RPS6KC1: variants seen among roughly 807,000 people sequenced by gnomAD.
The protein encoded by RPS6KC1 is ribosomal protein S6 kinase C1, also known as inactive ribosomal protein S6 kinase delta-1.
A neutral mutation model predicts 103.8 loss-of-function variants in RPS6KC1; 54 were observed. That is an observed-to-expected ratio of 0.52 (90% CI 0.42 to 0.65). The LOEUF is 0.65. Ranked by LOEUF, RPS6KC1 falls within the 30% of genes least tolerant of loss-of-function variation. The pLI, the probability that RPS6KC1 is intolerant of heterozygous loss-of-function variation, is 0.00. For synonymous variants in RPS6KC1, 439 were observed against 438.7 expected (o/e 1.00, Z -0.01); for missense variants, 1,151 against 1,253.8 (o/e 0.92, Z 1.24).
At chr1:213,057,752 CTTTTTTTTTTTTT>C (rs869259657) in intron 1 of RPS6KC1, among the ~76,000 whole-genome samples, 15 of 73,700 alleles carry the variant, frequency 2.0e-4, no homozygotes, top group South Asian at 6.8e-4. Flanking sequence ...TCTGAAGTAT[CTTTTTTTTTTTTT>C]TTTTTTTTTT....
chr1:213,853,634 G>C, the RPS6KC1 span, among the ~76,000 whole-genome samples: 2 of 152,090 alleles, frequency 1.3e-5, no homozygotes, highest in African/African-American at 4.8e-5. Context: ...CATTTCTTTG[G>C]CTTAACACTT....
chr1:213,803,917 C>T, the RPS6KC1 span, among the ~76,000 whole-genome samples: 2 of 127,552 alleles, frequency 1.6e-5, no homozygotes, highest in Admixed American at 1.9e-4. Flanking sequence ...TGGATCTGAA[C>T]TTAAAACCCC....
chr1:213,648,742 C>T, the RPS6KC1 span, among the ~76,000 whole-genome samples: 2 of 152,134 alleles, frequency 1.3e-5, no homozygotes, highest in Non-Finnish European at 2.9e-5. Flanking sequence ...GGCTTCACTT[C>T]TCTTGCCAGC....
At chr1:213,286,351 AC>A in the RPS6KC1 span, among the ~76,000 whole-genome samples, 1 of 152,250 alleles carries the variant, frequency 6.6e-6, no homozygotes, top group African/African-American at 2.4e-5. Flanking sequence ...CAGGAAGTTT[AC>A]AAAATGCAGC....
At chr1:213,267,554 T>C (rs2094940889) in intron 14 of RPS6KC1, among the ~76,000 whole-genome samples, 1 of 151,682 alleles carries the variant, frequency 6.6e-6, no homozygotes. Flanking sequence ...AGAAAAAAAA[T>C]CAGTAGAAAT....
intron 8 of RPS6KC1, among the ~76,000 whole-genome samples, chr1:213,191,276 A>G (rs1430269143): frequency 6.6e-6 from 1 of 152,166 alleles, no homozygotes; most frequent in Non-Finnish European, 1.5e-5. Flanking sequence ...ATTCATGAAC[A>G]TGGAATATCT....
chr1:213,228,975 G>T (rs1227610468), intron 8 of RPS6KC1, among the ~76,000 whole-genome samples: 1 of 152,116 alleles, frequency 6.6e-6, no homozygotes, highest in Non-Finnish European at 1.5e-5. Flanking sequence ...TCAGTCACTT[G>T]TTCTGAAGGT....
the RPS6KC1 span, among the ~76,000 whole-genome samples, chr1:213,352,004 A>G: frequency 1.3e-5 from 2 of 150,440 alleles, no homozygotes; most frequent in African/African-American, 4.9e-5. Context: ...TAATGAGGAG[A>G]TTGGTGACTT....
chr1:213,085,024 T>A (rs2080251432), intron 3 of RPS6KC1, among the ~76,000 whole-genome samples: 1 of 152,212 alleles, frequency 6.6e-6, no homozygotes, highest in African/African-American at 2.4e-5. Flanking sequence ...ACCATACACT[T>A]GGTGGCGTAA....
At chr1:213,256,305 A>G (rs935188590) in intron 12 of RPS6KC1, among the ~76,000 whole-genome samples, 4 of 152,148 alleles carry the variant, frequency 2.6e-5, no homozygotes, top group Non-Finnish European at 5.9e-5. Context: ...AAGATGGAAA[A>G]TGGGGAGTGA....
the RPS6KC1 span, among the ~76,000 whole-genome samples, chr1:213,574,245 T>C: frequency 6.6e-6 from 1 of 152,214 alleles, no homozygotes; most frequent in Non-Finnish European, 1.5e-5. Context: ...CTAAGGTTGG[T>C]GCCCTCTTGC....
the RPS6KC1 span, among the ~76,000 whole-genome samples, chr1:213,495,866 CA>C: frequency 6.6e-6 from 1 of 151,992 alleles, no homozygotes; most frequent in Non-Finnish European, 1.5e-5. Flanking sequence ...GATATAAATA[CA>C]AACATAATAC....
chr1:213,433,182 C>T, the RPS6KC1 span, among the ~76,000 whole-genome samples: 1 of 152,146 alleles, frequency 6.6e-6, no homozygotes, highest in East Asian at 1.9e-4. Context: ...GGACTGCTTC[C>T]TCTGTCTTCA....
chr1:213,597,048 TGC>T, the RPS6KC1 span, among the ~76,000 whole-genome samples: 1 of 152,162 alleles, frequency 6.6e-6, no homozygotes, highest in African/African-American at 2.4e-5. Flanking sequence ...GGCTAGACTG[TGC>T]GCCAAGGAGG....
chr1:213,260,863 C>G (rs139804877), intron 12 of RPS6KC1, among the ~76,000 whole-genome samples: 2 of 151,678 alleles, frequency 1.3e-5, no homozygotes, highest in East Asian at 1.9e-4. Context: ...CTTGTGCTGG[C>G]GAGAGATAGG....
the RPS6KC1 span, among the ~76,000 whole-genome samples, chr1:213,761,297 T>G: frequency 6.6e-6 from 1 of 152,160 alleles, no homozygotes; most frequent in East Asian, 1.9e-4. Flanking sequence ...GTTGTTTAGC[T>G]CAAAAGCACA....
chr1:213,705,318 T>G, the RPS6KC1 span, among the ~76,000 whole-genome samples: 5 of 152,292 alleles, frequency 3.3e-5, no homozygotes, highest in Admixed American at 3.3e-4. Context: ...GCAGTTGAAC[T>G]GGCACTCAAA....
the RPS6KC1 span, among the ~76,000 whole-genome samples, chr1:213,560,044 A>G: frequency 6.6e-6 from 1 of 152,176 alleles, no homozygotes; most frequent in African/African-American, 2.4e-5. Flanking sequence ...AAAGGACTTT[A>G]TTACTCATGA....
chr1:213,066,636 C>T (rs187911407), intron 1 of RPS6KC1, among the ~76,000 whole-genome samples: 59 of 152,240 alleles, frequency 3.9e-4, no homozygotes, highest in South Asian at 1.0e-3. Flanking sequence ...CTAAGGAAGC[C>T]GGCTTTAATC....
Sources: gnomAD v4.1 joint callset for allele counts (sites outside exome capture counted in the v4.1 genomes callset) on GRCh38, gnomAD v4.1.1 for gene constraint, MANE v1.5 for transcripts, NCBI Gene and HGNC (gene_info 2026-07-23, HGNC 2026-07-21) for gene names.